The following CDKL5 variants were observed in gnomAD, a reference collection of about 807,000 sequenced individuals.
CDKL5 encodes the protein cyclin dependent kinase like 5.
CDKL5 carries 8 observed loss-of-function variants against 61.7 expected under a neutral mutation model. That is an observed-to-expected ratio of 0.13 (90% confidence interval 0.08 to 0.23). The LOEUF (loss-of-function observed/expected upper bound fraction) is 0.23. Ranked by LOEUF, CDKL5 falls within the 10% of genes least tolerant of loss-of-function variation. CDKL5 has a pLI of 1.00. For missense variants in CDKL5, 440 were observed against 734.5 expected, an observed-to-expected ratio of 0.60 and a Z score of 4.63; for synonymous variants, 275 against 272.3, an observed-to-expected ratio of 1.01 and a Z score of -0.10.
At position 18,559,618 on chromosome X, in the gene CDKL5, C is replaced by CT. The variant is rs1426007448; in HGVS notation, c.100-4844dup. Among the ~76,000 whole-genome samples, 321 of 90,796 alleles carry CT rather than the reference C, an allele frequency of 3.5e-3. 4 individuals are homozygous for CT. Among genetic ancestry groups the CT allele is most frequent in the East Asian group, 0.035 (101 of 2,918 alleles). 78.8% of individuals were successfully genotyped at this position (90,796 alleles called of 115,157 possible). The stretch of plus-strand genomic sequence containing the variant: ...CACATGGTTCTGAAAATGACCTTTT[C>CT]TTTTTTTTTTTTTTTCTTTTTATTA... On this transcript the variant is annotated intron_variant, in intron 3 of 17. Coordinates refer to ENST00000623535, the MANE Select transcript of CDKL5 (RefSeq NM_001323289.2).
chrX:18,622,090 A>G lies in CDKL5; in HGVS notation c.2376+2124A>G, dbSNP rs1003602. On this transcript the variant is annotated intron_variant, in intron 16 of 17. Transcript: ENST00000623535. Reference sequence around the variant, plus strand: ...AGATTTTGATGTTTACTGTAGAGCAACATTAAACCTAAAGTCCCTGGCTCA... The same window carrying G: ...AGATTTTGATGTTTACTGTAGAGCAGCATTAAACCTAAAGTCCCTGGCTCA... Among the ~76,000 whole-genome samples the G allele has an allele frequency of 2.7e-5, 3 of 112,152 alleles. No individual in the cohort carries two copies. The South Asian group carries it at 1.1e-3, about 41-fold the overall frequency.
intron 3 of CDKL5, among the ~76,000 whole-genome samples, chrX:18,539,254 G>A (rs1413377207): frequency 9.0e-6 from 1 of 110,738 alleles, no homozygotes; most frequent in Non-Finnish European, 1.9e-5. Flanking sequence ...TTCTTGCTTT[G>A]GGTTTATTTT....
chrX:18,531,700 C>CTTTTTTTTTTTTTT (rs200547617), intron 3 of CDKL5, among the ~76,000 whole-genome samples: 1 of 107,855 alleles, frequency 9.3e-6, no homozygotes, highest in African/African-American at 3.5e-5. Flanking sequence ...TTCTTTTTTT[C>CTTTTTTTTTTTTTT]TTTTTTCTTT....
At chrX:18,640,427 T>TACC (rs1927525424), downstream of CDKL5, 1 of 31,595 alleles carries the variant, frequency 3.2e-5, no homozygotes, top group South Asian at 2.0e-3. Context: ...CAGGGATAAG[T>TACC]CCCCCCACCC....
chrX:18,548,931 A>G (rs920069101), intron 3 of CDKL5, among the ~76,000 whole-genome samples: 2 of 112,210 alleles, frequency 1.8e-5, no homozygotes, highest in African/African-American at 6.5e-5. Flanking sequence ...CGATTTTAGT[A>G]TTCTCATTTT....
chrX:18,536,539 C>T (rs770136868), intron 3 of CDKL5, among the ~76,000 whole-genome samples: 11 of 96,947 alleles, frequency 1.1e-4, no homozygotes, highest in Middle Eastern at 0.013. Flanking sequence ...TTCTGCCTCC[C>T]GGTTCAAGTG....
chrX:18,480,898 C>A (rs1462685767), intron 1 of CDKL5, among the ~76,000 whole-genome samples: 1 of 104,022 alleles, frequency 9.6e-6, no homozygotes, highest in Non-Finnish European at 2.0e-5. Flanking sequence ...CGTTCTATCC[C>A]CTAGGCTGGA....
intron 1 of CDKL5, among the ~76,000 whole-genome samples, chrX:18,459,941 C>T (rs1393748148): frequency 5.5e-5 from 6 of 108,809 alleles, no homozygotes; most frequent in African/African-American, 1.3e-4. Flanking sequence ...GGCACGATCT[C>T]GGCTCACTGC....
In CDKL5 at chrX:18,634,918, T is replaced by G. The variant is rs1272207159; in HGVS notation, c.*6161T>G. 4 of 748,932 alleles carry G rather than the reference T, an allele frequency of 5.3e-6. No homozygotes were observed. Among genetic ancestry groups the G allele is most frequent in the Non-Finnish European group, 6.3e-6 (4 of 637,368 alleles). The allele number at this position is 748,932 out of a possible 1,213,427, so 61.7% of individuals were successfully genotyped here. On this transcript the variant is annotated 3_prime_UTR_variant, in exon 18 of 18. Transcript: ENST00000623535. ...ACAGGGCAGGGTGACATTTAGACTCTGTTCATTCTTAAAAATAGGGATAAG... is the reference window on the plus strand; with the variant it reads ...ACAGGGCAGGGTGACATTTAGACTCGGTTCATTCTTAAAAATAGGGATAAG...
chrX:18,609,874 T>C (rs777386026), intron 14 of CDKL5, among the ~76,000 whole-genome samples: 4 of 112,378 alleles, frequency 3.6e-5, no homozygotes, highest in South Asian at 3.7e-4. Context: ...AACATACTTA[T>C]TGATGTTACC....
chrX:18,454,651 G>A (rs1014468671), intron 1 of CDKL5, among the ~76,000 whole-genome samples: 1 of 108,398 alleles, frequency 9.2e-6, no homozygotes, highest in African/African-American at 3.4e-5. Context: ...CTGCCTCCCA[G>A]GTTCAAACGA....
chrX:18,431,231 A>C (rs1466934249), intron 1 of CDKL5, among the ~76,000 whole-genome samples: 1 of 111,436 alleles, frequency 9.0e-6, no homozygotes, highest in East Asian at 2.8e-4. Context: ...AGGAACACTT[A>C]GAAGTCCATG....
At chrX:18,528,572 C>G (rs1255544626) in intron 3 of CDKL5, among the ~76,000 whole-genome samples, 3 of 109,215 alleles carry the variant, frequency 2.7e-5, no homozygotes, top group Non-Finnish European at 5.7e-5. Context: ...TTATCCTATC[C>G]CTTCCCTCCC....
chrX:18,591,760 A>G (rs1925838811), intron 9 of CDKL5, among the ~76,000 whole-genome samples: 1 of 110,429 alleles, frequency 9.1e-6, no homozygotes, highest in Non-Finnish European at 1.9e-5. Context: ...CCCAACACTC[A>G]CCTGTCTTTC....
chrX:18,508,965 C>T (rs961473387), intron 2 of CDKL5, among the ~76,000 whole-genome samples: 14 of 109,024 alleles, frequency 1.3e-4, no homozygotes, highest in East Asian at 2.9e-4. Flanking sequence ...TGGTGGCGGG[C>T]GCCTGTAGTC....
rs1349357259 is a variant in CDKL5, at chrX:18,433,049, G to A, written c.-163+7354G>A. Among the ~76,000 whole-genome samples the A allele has an allele frequency of 3.7e-5, 4 of 109,440 alleles. No individual in the cohort carries two copies. In the East Asian group the frequency reaches 1.2e-3, roughly 32 times the overall value. The stretch of plus-strand genomic sequence containing the variant: ...TTGAGACCAGCCTGGCCAACATGGT[G>A]AAACCCCATCTCTACAAAAAATACA... On this transcript the variant is annotated intron_variant, in intron 1 of 17. Transcript: ENST00000623535.
intron 1 of CDKL5, among the ~76,000 whole-genome samples, chrX:18,488,547 C>G (rs1921872204): frequency 9.0e-6 from 1 of 111,644 alleles, no homozygotes; most frequent in South Asian, 3.8e-4. Context: ...AGATTTAGGA[C>G]TTTCATCTTC....
At chrX:18,524,527 G>T (rs1923361672) in intron 3 of CDKL5, among the ~76,000 whole-genome samples, 1 of 111,935 alleles carries the variant, frequency 8.9e-6, no homozygotes, top group Non-Finnish European at 1.9e-5. Flanking sequence ...TATGTGTTTT[G>T]CACATATTTC....
At chrX:18,500,211 A>G in intron 1 of CDKL5, among the ~76,000 whole-genome samples, 1 of 111,819 alleles carries the variant, frequency 8.9e-6, no homozygotes, top group Non-Finnish European at 1.9e-5. Context: ...TACATGTTAT[A>G]TTTTGATACA....
Sources: allele counts gnomAD v4.1 joint callset (sites outside exome capture counted in the v4.1 genomes callset), GRCh38; gene constraint gnomAD v4.1.1; transcripts MANE v1.5; gene names NCBI Gene and HGNC (gene_info 2026-07-23, HGNC 2026-07-21).